Variants in COL5A2 observed in about 807,000 individuals in gnomAD.
The protein encoded by COL5A2 is collagen alpha-2(V) chain.
In COL5A2, 23 loss-of-function variants were observed where a neutral mutation model predicts 208.2. The observed-to-expected ratio is 0.11, with a 90% CI of 0.08 to 0.16. The LOEUF (loss-of-function observed/expected upper bound fraction) is 0.16, where lower values mean the gene tolerates loss of function less well. COL5A2 is among the 10% of genes least tolerant of loss of function. The pLI is 1.00. For synonymous variants in COL5A2, 625 were observed against 628.5 expected (o/e 0.99, Z 0.08); for missense variants, 1,590 against 1,956.4 (o/e 0.81, Z 3.53).
the COL5A2 span, among the ~76,000 whole-genome samples, chr2:189,409,204 C>T: frequency 6.0e-3 from 551 of 92,096 alleles, 51 homozygotes; most frequent in Middle Eastern, 0.018. Flanking sequence ...TAAATTTACT[C>T]TTTTTTTTTT....
chr2:189,068,319 A>T (rs370695866), intron 19 of COL5A2, 49 bp from the exon 20 acceptor site: 1 of 1,453,290 alleles, frequency 6.9e-7, no homozygotes, highest in Non-Finnish European at 9.7e-7. Context: ...CAATATATAG[A>T]TACAAATGTG....
intron 8 of COL5A2, 113 bp from the exon 9 acceptor site, chr2:189,086,883 G>A: frequency 1.2e-6 from 1 of 857,718 alleles, no homozygotes; most frequent in Non-Finnish European, 1.9e-6. Context: ...TGACAAAGGG[G>A]GATGATGACA....
At chr2:189,394,769 G>T in the COL5A2 span, among the ~76,000 whole-genome samples, 1 of 151,952 alleles carries the variant, frequency 6.6e-6, no homozygotes. Flanking sequence ...CAATGAAATA[G>T]AAAAAAGGTA....
At chr2:189,137,262 A>C (rs1385138930) in intron 1 of COL5A2, among the ~76,000 whole-genome samples, 2 of 152,208 alleles carry the variant, frequency 1.3e-5, no homozygotes, top group Non-Finnish European at 1.5e-5. Context: ...ATCACAGAAA[A>C]TGAAGTCCTA....
chr2:189,348,291 C>T, the COL5A2 span, among the ~76,000 whole-genome samples: 1 of 152,016 alleles, frequency 6.6e-6, no homozygotes, highest in Non-Finnish European at 1.5e-5. Context: ...CAGTGTGGCT[C>T]ATTTATATGA....
the COL5A2 span, among the ~76,000 whole-genome samples, chr2:189,302,841 T>C: frequency 2.6e-5 from 4 of 152,272 alleles, no homozygotes; most frequent in East Asian, 1.9e-4. Context: ...TGTGGTATCA[T>C]AGTGTTTGTG....
At chr2:189,129,545 ATC>A (rs1016121631) in intron 1 of COL5A2, among the ~76,000 whole-genome samples, 28 of 152,072 alleles carry the variant, frequency 1.8e-4, no homozygotes, top group African/African-American at 6.3e-4. Context: ...ATCTTTTAAA[ATC>A]TCTCTTTTAC....
chr2:189,321,319 T>C, the COL5A2 span, among the ~76,000 whole-genome samples: 16 of 152,120 alleles, frequency 1.1e-4, no homozygotes, highest in Non-Finnish European at 1.9e-4. Context: ...CATAACAATA[T>C]TAACTGTAAA....
At chr2:189,355,231 T>C in the COL5A2 span, among the ~76,000 whole-genome samples, 12 of 152,186 alleles carry the variant, frequency 7.9e-5, no homozygotes, top group Non-Finnish European at 1.3e-4. Flanking sequence ...AAGTGTGATG[T>C]GGTGCTGAGA....
At chr2:189,271,487 C>T in the COL5A2 span, among the ~76,000 whole-genome samples, 1 of 152,118 alleles carries the variant, frequency 6.6e-6, no homozygotes, top group African/African-American at 2.4e-5. Context: ...CCCTTCCTTA[C>T]ACCATATACA....
intron 5 of COL5A2, 85 bp downstream of exon 5, chr2:189,098,642 T>C: frequency 9.3e-7 from 1 of 1,071,478 alleles, no homozygotes; most frequent in Non-Finnish European, 1.4e-6. Flanking sequence ...AATTCTTTTA[T>C]CTTCTCATGG....
the COL5A2 span, among the ~76,000 whole-genome samples, chr2:189,243,205 G>T: frequency 6.6e-6 from 1 of 152,050 alleles, no homozygotes; most frequent in Non-Finnish European, 1.5e-5. Context: ...GAAAAAGAAT[G>T]AAGGAAGAAG....
the COL5A2 span, among the ~76,000 whole-genome samples, chr2:189,342,682 A>ACAC: frequency 1.4e-5 from 2 of 139,300 alleles, no homozygotes; most frequent in African/African-American, 5.3e-5. Context: ...CACACACACA[A>ACAC]TAAATATGTT....
At chr2:189,046,609 T>G (rs1190018404) in intron 45 of COL5A2, among the ~76,000 whole-genome samples, 1 of 152,154 alleles carries the variant, frequency 6.6e-6, no homozygotes, top group African/African-American at 2.4e-5. Context: ...ACTTGTCTCC[T>G]TAAGAAGTCA....
At chr2:189,145,499 T>C (rs180757344) in intron 1 of COL5A2, among the ~76,000 whole-genome samples, 3 of 152,282 alleles carry the variant, frequency 2.0e-5, no homozygotes, top group East Asian at 3.9e-4. Flanking sequence ...TTTACAATTA[T>C]GTATTGCTAT....
the COL5A2 span, among the ~76,000 whole-genome samples, chr2:189,356,344 C>T: frequency 6.6e-6 from 1 of 152,144 alleles, no homozygotes; most frequent in Non-Finnish European, 1.5e-5. Context: ...GGAAGGTCTC[C>T]ATTCTCCCCG....
At chr2:189,312,795 C>T in the COL5A2 span, among the ~76,000 whole-genome samples, 1 of 151,688 alleles carries the variant, frequency 6.6e-6, no homozygotes, top group Admixed American at 6.6e-5. Context: ...ACTGGAAAAT[C>T]TGAGTTGATT....
the COL5A2 span, among the ~76,000 whole-genome samples, chr2:189,310,638 A>G: frequency 6.6e-6 from 1 of 152,214 alleles, no homozygotes; most frequent in Non-Finnish European, 1.5e-5. Context: ...TGTTTGTGGC[A>G]GCACTGTTCA....
the COL5A2 span, among the ~76,000 whole-genome samples, chr2:189,421,220 T>C: frequency 1.3e-5 from 2 of 152,120 alleles, no homozygotes; most frequent in Non-Finnish European, 2.9e-5. Flanking sequence ...TTCTTTCTTA[T>C]CTCTCTCCTG....
Sources: allele counts gnomAD v4.1 joint callset (sites outside exome capture counted in the v4.1 genomes callset), GRCh38; gene constraint gnomAD v4.1.1; transcripts MANE v1.5; gene names NCBI Gene and HGNC (gene_info 2026-07-23, HGNC 2026-07-21).